Variants in ATP8A1 observed in about 807,000 individuals in gnomAD.
ATP8A1 encodes the protein ATPase phospholipid transporting 8A1.
Under a neutral mutation model 177.7 loss-of-function variants are expected in ATP8A1, and 90 were observed. The ratio of observed to expected loss-of-function variants is 0.51; its 90% CI spans 0.43 to 0.60. The LOEUF (loss-of-function observed/expected upper bound fraction) is 0.60, where lower values mean the gene tolerates loss of function less well. Ranked by LOEUF, ATP8A1 falls within the 20% of genes least tolerant of loss-of-function variation. The pLI is 0.00. For missense variants in ATP8A1, 1,072 were observed against 1,392.8 expected (o/e 0.77, Z 3.67); for synonymous variants, 493 against 485.9 (o/e 1.01, Z -0.19).
intron 25 of ATP8A1, among the ~76,000 whole-genome samples, chr4:42,485,281 T>A (rs983997935): frequency 6.6e-6 from 1 of 152,204 alleles, no homozygotes; most frequent in Non-Finnish European, 1.5e-5. Context: ...ACCTGTCGAT[T>A]CAAATGAGGA....
chr4:42,551,248 A>G lies in ATP8A1; in HGVS notation c.1552T>C (p.Leu518=), dbSNP rs746969175. 8 of 1,613,846 alleles carry G rather than the reference A, an allele frequency of 5.0e-6. No individual in the cohort carries two copies. In the African/African-American group the frequency reaches 8.0e-5, roughly 16 times the overall value. ...GTTCTTCCAGTGAAAACAAAATTCA[A>G]TTGCTTGGCTGCTCTGACCAATGCT... The part of the protein sequence containing the change: ...EGALVRAAKQ[L]NFVFTGRTPD... Residue 518 remains leucine, a synonymous_variant, in exon 18 of 37, where the codon TTG becomes CTG. Coordinates refer to ENST00000381668, the MANE Select transcript of ATP8A1 (RefSeq NM_006095.2).
intron 15 of ATP8A1, among the ~76,000 whole-genome samples, chr4:42,567,197 A>C (rs1731439462): frequency 1.3e-5 from 2 of 152,152 alleles, no homozygotes; most frequent in African/African-American, 4.8e-5. Context: ...TTGCAGGCCT[A>C]TAGGTAATTA....
At chr4:42,574,055 A>G (rs1732169921) in intron 14 of ATP8A1, among the ~76,000 whole-genome samples, 2 of 152,354 alleles carry the variant, frequency 1.3e-5, no homozygotes, top group South Asian at 4.1e-4. Context: ...GAAATAAATT[A>G]AATGGGTGCT....
chr4:42,590,314 T>C (rs1473843758), intron 7 of ATP8A1, among the ~76,000 whole-genome samples: 1 of 152,192 alleles, frequency 6.6e-6, no homozygotes, highest in Non-Finnish European at 1.5e-5. Flanking sequence ...GGGTCCTCTA[T>C]AAACCCTATG....
At chr4:42,414,500 C>T (rs1053253800) in intron 36 of ATP8A1, 127 bp downstream of exon 36, 26 of 780,372 alleles carry the variant, frequency 3.3e-5, no homozygotes, top group Non-Finnish European at 5.4e-5. Flanking sequence ...TTACAGGTTA[C>T]AAATATGCAA....
At chr4:42,451,732 A>AT (rs1297008073) in intron 30 of ATP8A1, among the ~76,000 whole-genome samples, 1 of 152,216 alleles carries the variant, frequency 6.6e-6, no homozygotes, top group Non-Finnish European at 1.5e-5. Context: ...AAGCCCTAAA[A>AT]TTTAACTCTC....
intron 33 of ATP8A1, among the ~76,000 whole-genome samples, chr4:42,434,520 T>C (rs1335136257): frequency 6.6e-6 from 1 of 152,224 alleles, no homozygotes; most frequent in Admixed American, 6.5e-5. Context: ...ATAGAAAAAC[T>C]GACTTACATG....
In ATP8A1 at chr4:42,467,169, A is replaced by G. The variant is rs553429274; in HGVS notation, c.2325-2093T>C. Among the ~76,000 whole-genome samples, 9 of 152,294 alleles carry G rather than the reference A, an allele frequency of 5.9e-5. No homozygotes were observed. The East Asian group carries it at 1.5e-3, about 26-fold the overall frequency. On this transcript the variant is annotated intron_variant, in intron 25 of 36. Transcript: ENST00000381668. ...AAATTTAGTTTTCTTCATGGTGATC[A>G]CAACCAACCACTGCTTTCTCTGCTT...
rs750286033 is a variant in ATP8A1, at chr4:42,625,634, GA to G, written c.243del (p.Leu82SerfsTer28). The G allele has an allele frequency of 6.2e-7, 1 of 1,603,810 alleles. No homozygotes were observed. The highest frequency in any genetic ancestry group is 8.5e-7 in the Non-Finnish European group (1 of 1,174,126). On this transcript the variant is annotated frameshift_variant, in exon 3 of 37. Coordinates refer to ENST00000381668, the MANE Select transcript of ATP8A1 (RefSeq NM_006095.2). LOFTEE classifies it high-confidence loss of function. Reference sequence around the variant, plus strand: ...TTTACCTGCAGCAGTGCAATAAAGAGAAAAAATGAATTAGCAGCTCTTCTGA... The same window carrying G: ...TTTACCTGCAGCAGTGCAATAAAGAGAAAAATGAATTAGCAGCTCTTCTGA... ...SQFRRAANSF[F>X]LFIALLQQIP...
chr4:42,481,690 C>T (rs540314950), intron 25 of ATP8A1, among the ~76,000 whole-genome samples: 6 of 152,138 alleles, frequency 3.9e-5, no homozygotes, highest in African/African-American at 9.7e-5. Flanking sequence ...TTTTTCCCTA[C>T]GTCTACCTCT....
chr4:42,597,080 A>G (rs1734795700), intron 6 of ATP8A1, among the ~76,000 whole-genome samples: 2 of 152,180 alleles, frequency 1.3e-5, no homozygotes, highest in South Asian at 4.1e-4. Flanking sequence ...CTGAGAGCTG[A>G]AGTCTGCCCA....
chr4:42,443,710 G>A, intron 32 of ATP8A1, 38 bp from the exon 33 acceptor site: 1 of 868,202 alleles, frequency 1.2e-6, no homozygotes. Flanking sequence ...AAAGTTTTAT[G>A]TAGACCGAGT....
intron 34 of ATP8A1, 57 bp from the exon 35 acceptor site, chr4:42,422,956 A>C (rs1714161614): frequency 1.5e-6 from 2 of 1,361,492 alleles, no homozygotes; most frequent in Non-Finnish European, 2.1e-6. Context: ...AGATTTTACA[A>C]AACTAGATGT....
chr4:42,409,011 A>G lies in ATP8A1; in HGVS notation c.*3905T>C, dbSNP rs1712285999. On this transcript the variant is annotated 3_prime_UTR_variant, in exon 37 of 37. Transcript: ENST00000381668. ...AGTTCTTAGAGGCAAGCTAAACAAA[A>G]GATTCAATTAAATTTGTTCAAATTT... 6.6e-6 allele frequency: 1 copy of G among 152,224 alleles called. No individual in the cohort carries two copies. The highest frequency in any genetic ancestry group is 6.5e-5 in the Admixed American group (1 of 15,282). The allele number at this position is 152,224 out of a possible 1,614,324, so 9.4% of individuals were successfully genotyped here.
intron 15 of ATP8A1, among the ~76,000 whole-genome samples, chr4:42,561,039 G>A (rs1033796186): frequency 7.9e-5 from 12 of 151,936 alleles, no homozygotes; most frequent in Admixed American, 1.3e-4. Context: ...CTCATATTGC[G>A]AGCCACTGAA....
intron 27 of ATP8A1, among the ~76,000 whole-genome samples, chr4:42,455,911 C>T (rs1277010487): frequency 6.6e-6 from 1 of 152,016 alleles, no homozygotes; most frequent in Admixed American, 6.6e-5. Flanking sequence ...TATTTATATG[C>T]CATTAAATTT....
At chr4:42,649,290 C>G (rs1740852792) in intron 1 of ATP8A1, among the ~76,000 whole-genome samples, 1 of 152,108 alleles carries the variant, frequency 6.6e-6, no homozygotes, top group African/African-American at 2.4e-5. Context: ...AAGGATATAA[C>G]TAGTGACAGT....
chr4:42,617,049 T>C (rs911657532), intron 4 of ATP8A1, among the ~76,000 whole-genome samples: 1 of 152,160 alleles, frequency 6.6e-6, no homozygotes, highest in East Asian at 1.9e-4. Context: ...GACTATAATA[T>C]GGGTTGGAAC....
intron 22 of ATP8A1, among the ~76,000 whole-genome samples, chr4:42,508,218 C>T (rs560388411): frequency 6.6e-5 from 10 of 152,252 alleles, no homozygotes; most frequent in Admixed American, 3.3e-4. Context: ...CCATAACCTC[C>T]GCCTCCCAGG....
Sources: allele counts gnomAD v4.1 joint callset (sites outside exome capture counted in the v4.1 genomes callset), GRCh38; gene constraint gnomAD v4.1.1; transcripts MANE v1.5; gene names NCBI Gene and HGNC (gene_info 2026-07-23, HGNC 2026-07-21).